The following HTR2C variants were observed in gnomAD, a reference collection of about 807,000 sequenced individuals.
The protein encoded by HTR2C is 5-hydroxytryptamine receptor 2C.
A neutral mutation model predicts 21.0 loss-of-function variants in HTR2C; 5 were observed. The observed-to-expected ratio is 0.24, with a 90% CI of 0.12 to 0.50. The LOEUF (loss-of-function observed/expected upper bound fraction) is 0.50. Among genes scored for constraint, HTR2C ranks in the 20% least tolerant of loss-of-function variants. The pLI, the probability that HTR2C is intolerant of heterozygous loss-of-function variation, is 0.98. For missense variants in HTR2C, 271 were observed against 371.2 expected (o/e 0.73, Z 2.22); for synonymous variants, 150 against 145.3 (o/e 1.03, Z -0.23).
chrX:114,684,636 T>C (rs1931854653), intron 2 of HTR2C, among the ~76,000 whole-genome samples: 1 of 111,335 alleles, frequency 9.0e-6, no homozygotes, highest in Non-Finnish European at 1.9e-5. Flanking sequence ...TTTCTACTTT[T>C]ATGAGACTCT....
At chrX:114,784,576 C>G (rs2070154864) in intron 4 of HTR2C, among the ~76,000 whole-genome samples, 1 of 108,666 alleles carries the variant, frequency 9.2e-6, no homozygotes, top group African/African-American at 3.3e-5. Context: ...ACTTCAGTCT[C>G]TGCCTCCGTC....
At chrX:114,809,700 A>G (rs142505664) in intron 4 of HTR2C, among the ~76,000 whole-genome samples, 1,125 of 111,204 alleles carry the variant, frequency 0.01, 18 homozygotes, top group African/African-American at 0.035. Flanking sequence ...AGGAAGGTCC[A>G]GAAATGCTGT....
intron 2 of HTR2C, among the ~76,000 whole-genome samples, chrX:114,680,186 G>C (rs1556413341): frequency 8.9e-5 from 10 of 112,011 alleles, no homozygotes. Flanking sequence ...TAGTTATCTT[G>C]CCAAGAATGA....
intron 2 of HTR2C, among the ~76,000 whole-genome samples, chrX:114,629,982 T>A (rs1929541036): frequency 9.0e-6 from 1 of 110,798 alleles, no homozygotes. Context: ...AAGAAAAAGG[T>A]AACGATTATT....
intron 4 of HTR2C, among the ~76,000 whole-genome samples, chrX:114,732,910 A>C (rs782524452): frequency 6.2e-5 from 7 of 112,072 alleles, no homozygotes; most frequent in Non-Finnish European, 1.3e-4. Flanking sequence ...TATAAAAAAC[A>C]AATAAAACTG....
intron 4 of HTR2C, among the ~76,000 whole-genome samples, chrX:114,807,165 C>A (rs184205895): frequency 0.022 from 480 of 21,964 alleles, 227 homozygotes; most frequent in Admixed American, 0.031. Context: ...ATATATATAC[C>A]CCATATATAC....
chrX:114,805,630 TATATACC>T lies in HTR2C; in HGVS notation c.350-42367_350-42361del, dbSNP rs1367951195. On this transcript the variant is annotated intron_variant, in intron 4 of 5. Coordinates refer to ENST00000276198, the MANE Select transcript of HTR2C (RefSeq NM_000868.4). ...ATATACACATCATATATATACCATA[TATATACC>T]ATATATATACACCATATATATACCA... 9.5e-3 allele frequency among the ~76,000 whole-genome samples: 150 copies of T among 15,870 alleles called. 24 individuals are homozygous for T. The highest frequency in any genetic ancestry group is 0.042 in the African/African-American group (142 of 3,346). The allele number at this position is 15,870 out of a possible 115,157, so 13.8% of individuals were successfully genotyped here. A position where few individuals can be genotyped will look rare whatever the true frequency, so the allele number is the denominator to read the frequency against.
Position 114,823,223 on chromosome X carries a change from G to A in HTR2C, c.350-24780G>A, listed in dbSNP as rs782048996. Among the ~76,000 whole-genome samples, 7 of 111,562 alleles carry A rather than the reference G, an allele frequency of 6.3e-5. No individual in the cohort carries two copies. The South Asian group carries it at 1.9e-3, about 30-fold the overall frequency. ...ATTTTTCTCCTTTTATTTAATTGGT[G>A]GGAAATGATATTTTTGAGATAAGGG... On this transcript the variant is annotated intron_variant, in intron 4 of 5. Transcript: ENST00000276198.
intron 2 of HTR2C, among the ~76,000 whole-genome samples, chrX:114,683,050 G>A (rs1296897502): frequency 8.9e-6 from 1 of 111,813 alleles, no homozygotes. Context: ...AACTATGATC[G>A]TAATATGATC....
intron 1 of HTR2C, among the ~76,000 whole-genome samples, chrX:114,586,730 G>C (rs1556389788): frequency 1.8e-5 from 2 of 111,035 alleles, no homozygotes; most frequent in Non-Finnish European, 3.8e-5. Context: ...TCAGAAAAGA[G>C]GTGAGAACTG....
At chrX:114,853,399 C>T (rs913204178) in intron 5 of HTR2C, among the ~76,000 whole-genome samples, 1 of 111,263 alleles carries the variant, frequency 9.0e-6, no homozygotes, top group Non-Finnish European at 1.9e-5. Flanking sequence ...AATCAGATTT[C>T]CTTTTTATGT....
At chrX:114,834,561 G>A (rs2070762153) in intron 4 of HTR2C, among the ~76,000 whole-genome samples, 1 of 109,141 alleles carries the variant, frequency 9.2e-6, no homozygotes, top group African/African-American at 3.3e-5. Context: ...TTGCTTGGTA[G>A]ATCTTCCTCC....
At chrX:114,767,736 T>C (rs997012815) in intron 4 of HTR2C, among the ~76,000 whole-genome samples, 1 of 108,118 alleles carries the variant, frequency 9.2e-6, no homozygotes, top group Non-Finnish European at 1.9e-5. Flanking sequence ...ATTTAAAATA[T>C]ATATAAAATA....
chrX:114,788,938 C>T (rs983013652), intron 4 of HTR2C, among the ~76,000 whole-genome samples: 4 of 112,013 alleles, frequency 3.6e-5, no homozygotes, highest in Non-Finnish European at 7.5e-5. Flanking sequence ...CATGAGGCAC[C>T]ATGCCCAGTG....
rs1021082841 is a variant in HTR2C, at chrX:114,695,351, T to C, written c.-79-31507T>C. ...TTTAGCTAAGACTAGGATTGGAAGGTTTAAAATATGTTTGGTTGTGCATGA... is the reference window on the plus strand; with the variant it reads ...TTTAGCTAAGACTAGGATTGGAAGGCTTAAAATATGTTTGGTTGTGCATGA... On this transcript the variant is annotated intron_variant, in intron 2 of 5. Coordinates refer to ENST00000276198, the MANE Select transcript of HTR2C (RefSeq NM_000868.4). 2.7e-5 allele frequency among the ~76,000 whole-genome samples: 3 copies of C among 111,756 alleles called. No individual in the cohort carries two copies. The Admixed American group carries it at 2.9e-4, about 11-fold the overall frequency.
rs781843668 is a variant in HTR2C, at chrX:114,603,250, G to A, written c.-146-10565G>A. On this transcript the variant is annotated intron_variant, in intron 1 of 5. Coordinates refer to ENST00000276198, the MANE Select transcript of HTR2C (RefSeq NM_000868.4). ...GAGTGAGTATAGCTGAAGGAGCCGG[G>A]AAGCAGAAAGTATATGCGTCAGGTA... 7.7e-3 allele frequency among the ~76,000 whole-genome samples: 809 copies of A among 105,071 alleles called. 2 individuals are homozygous for A. The highest frequency in any genetic ancestry group is 0.026 in the African/African-American group (753 of 28,821). 91.2% of individuals were successfully genotyped at this position (105,071 alleles called of 115,157 possible).
At chrX:114,604,096 T>C (rs1476355229) in intron 1 of HTR2C, among the ~76,000 whole-genome samples, 11 of 106,881 alleles carry the variant, frequency 1.0e-4, no homozygotes, top group South Asian at 8.8e-4. Flanking sequence ...TGGTAAGGGG[T>C]GCATGATCGG....
intron 5 of HTR2C, among the ~76,000 whole-genome samples, chrX:114,885,141 T>C (rs1556480922): frequency 1.8e-5 from 2 of 111,369 alleles, no homozygotes; most frequent in African/African-American, 6.5e-5. Context: ...AGTTTACCTA[T>C]ATAACAAACC....
intron 4 of HTR2C, among the ~76,000 whole-genome samples, chrX:114,801,880 C>A (rs1247290237): frequency 1.8e-5 from 2 of 110,698 alleles, no homozygotes; most frequent in Non-Finnish European, 3.8e-5. Context: ...ACTGTAGTCA[C>A]CCTGCTGTGC....
Sources: gnomAD v4.1 joint callset for allele counts (sites outside exome capture counted in the v4.1 genomes callset) on GRCh38, gnomAD v4.1.1 for gene constraint, MANE v1.5 for transcripts, NCBI Gene and HGNC (gene_info 2026-07-23, HGNC 2026-07-21) for gene names.